ZNF320: variants seen among roughly 807,000 people sequenced by gnomAD.
ZNF320 encodes the protein zinc finger protein 320.
Under a neutral mutation model 6.8 loss-of-function variants are expected in ZNF320, and 2 were observed. The ratio of observed to expected loss-of-function variants is 0.29; its 90% CI spans 0.12 to 0.93. ZNF320 has a LOEUF of 0.93. Among genes scored for constraint, ZNF320 ranks in the 40% least tolerant of loss-of-function variants. ZNF320 has a pLI of 0.55. For missense variants in ZNF320, 472 were observed against 611.0 expected, an observed-to-expected ratio of 0.77 and a Z score of 2.40; for synonymous variants, 208 against 203.2, an observed-to-expected ratio of 1.02 and a Z score of -0.20.
chr19:52,866,306 A>G (rs912282609), intron 5 of ZNF320, among the ~76,000 whole-genome samples: 8 of 150,852 alleles, frequency 5.3e-5, no homozygotes, highest in Non-Finnish European at 8.8e-5. Flanking sequence ...CATGCCTGTA[A>G]TCCCAGCAAT....
At chr19:52,865,509 T>TAA (rs1491499884) in intron 5 of ZNF320, 1 of 137,114 alleles carries the variant, frequency 7.3e-6, no homozygotes, top group African/African-American at 2.9e-5. Context: ...TACATATATA[T>TAA]TTATATATTA....
intron 3 of ZNF320, 64 bp from the exon 4 acceptor site, chr19:52,890,392 GACAC>G (rs1568726186): frequency 7.8e-7 from 1 of 1,280,690 alleles, no homozygotes; most frequent in Non-Finnish European, 1.1e-6. Context: ...ATAACACAAT[GACAC>G]ATACAAAGGA....
intron 5 of ZNF320, 38 bp from the exon 6 acceptor site, chr19:52,882,021 A>G (rs1404379964): frequency 6.4e-7 from 1 of 1,562,790 alleles, no homozygotes; most frequent in African/African-American, 1.4e-5. Flanking sequence ...CCAATTAAGT[A>G]CAGATGGTAT....
At position 52,890,268 on chromosome 19, in the gene ZNF320, T is replaced by C; in HGVS notation, c.-13A>G. 6.2e-7 allele frequency: 1 copy of C among 1,607,020 alleles called. No homozygotes were observed. Among genetic ancestry groups the C allele is most frequent in the Middle Eastern group, 1.7e-4 (1 of 6,054 alleles). On this transcript the variant is annotated 5_prime_UTR_variant, in exon 4 of 6. Coordinates refer to ENST00000682928, the MANE Select transcript of ZNF320 (RefSeq NM_001351774.2). ...GAGAAAGAGCCATCCCCGACTCCTT[T>C]GCTTTCCTCTTCCTCTTCTGGGTTT...
At position 52,880,176 on chromosome 19, in the gene ZNF320, GTC is replaced by G. The variant is rs1491151386; in HGVS notation, c.*418_*419del. 6.4e-6 allele frequency: 1 copy of G among 155,642 alleles called. No homozygotes were observed. The highest frequency in any genetic ancestry group is 2.4e-5 in the African/African-American group (1 of 41,416). 9.6% of individuals were successfully genotyped at this position (155,642 alleles called of 1,614,324 possible). On this transcript the variant is annotated 3_prime_UTR_variant, in exon 6 of 6. Transcript: ENST00000682928. The stretch of plus-strand genomic sequence containing the variant: ...ATCCTAGCTAACACGGTGAAACCCA[GTC>G]TCTACTAAAAATACAAAAAATTACC...
intron 5 of ZNF320, among the ~76,000 whole-genome samples, chr19:52,867,624 T>G (rs1217751828): frequency 6.6e-6 from 1 of 151,986 alleles, no homozygotes; most frequent in Non-Finnish European, 1.5e-5. Context: ...TCTTTCTTTA[T>G]TTTTGAGAAA....
chr19:52,887,011 GA>G (rs71183852), intron 5 of ZNF320, among the ~76,000 whole-genome samples: 1 of 73,072 alleles, frequency 1.4e-5, no homozygotes, highest in African/African-American at 6.0e-5. Context: ...GGAAGGAAAA[GA>G]AAAAACAAAA....
At chr19:52,865,508 ATT>A (rs1491548742) in intron 5 of ZNF320, 7 of 137,706 alleles carry the variant, frequency 5.1e-5, no homozygotes, top group African/African-American at 8.6e-5. Context: ...ATACATATAT[ATT>A]TATATATTAT....
exon 6 of ZNF320, chr19:52,862,586 T>G: frequency 9.3e-6 from 4 of 431,066 alleles, no homozygotes; most frequent in Non-Finnish European, 1.7e-5. Context: ...ATTACATCTG[T>G]GAGCTTTCAC....
Position 52,889,684 on chromosome 19 carries a change from T to C in ZNF320, c.15+557A>G, listed in dbSNP as rs1288317876. Among the ~76,000 whole-genome samples the C allele has an allele frequency of 1.3e-4, 20 of 152,312 alleles. 1 individual carries two copies. The highest frequency in any genetic ancestry group is 9.2e-4 in the Admixed American group (14 of 15,300). ...GGTTGATTTCCTATTCTTAAAATAA[T>C]GATAGGATCATTCTTGTATCATTCA... On this transcript the variant is annotated intron_variant, in intron 4 of 5. Coordinates refer to ENST00000682928, the MANE Select transcript of ZNF320 (RefSeq NM_001351774.2).
intron 1 of ZNF320, 22 bp from the exon 2 acceptor site, chr19:52,893,878 C>A (rs1209300219): frequency 2.0e-5 from 3 of 151,882 alleles, no homozygotes; most frequent in Admixed American, 2.0e-4. Flanking sequence ...AGCGAAACTC[C>A]ATCACCTCCA....
In ZNF320 at chr19:52,881,573, C is replaced by T. The variant is rs142947258; in HGVS notation, c.553G>A (p.Gly185Arg). The T allele has an allele frequency of 4.3e-3, 6,866 of 1,614,018 alleles. 18 individuals are homozygous for T. Among genetic ancestry groups the T allele is most frequent in the Non-Finnish European group, 5.4e-3 (6,355 of 1,179,980 alleles). ...ACCTTACATTTGTATGGTTTCTCTC[C>T]AGTATGAATTATCCTATGTATTTCA... ...HLEIHRIIHT[G>R]EKPYKCKVCD... Residue 185 changes from glycine (G) to arginine (R), a missense_variant, in exon 6 of 6, where the codon GGA becomes AGA. Physicochemically the swap from Gly to Arg is moderately radical, Grantham distance 125. Transcript: ENST00000682928.
chr19:52,900,124 C>G (rs1057180297), upstream of ZNF320, among the ~76,000 whole-genome samples: 7 of 152,178 alleles, frequency 4.6e-5, no homozygotes, highest in Non-Finnish European at 8.8e-5. Context: ...AGCATGAGCT[C>G]TGTCTATGTA....
chr19:52,881,866 G>A lies in ZNF320; in HGVS notation c.260C>T (p.Ser87Phe), dbSNP rs1447736076. The change falls in exon 6 of 6, where the codon TCC becomes TTC. Residue 87 changes from serine (S) to phenylalanine (F), a missense_variant. Coordinates refer to ENST00000682928, the MANE Select transcript of ZNF320 (RefSeq NM_001351774.2). ...ATGAATGTCTTTCTCAATTTCCTGG[G>A]AGCAAAATGCTCCAATGTGATAACT... ...QASYHIGAFC[S>F]QEIEKDIHDF... 1.2e-6 allele frequency: 2 copies of A among 1,613,840 alleles called. No individual in the cohort carries two copies. The highest frequency in any genetic ancestry group is 1.7e-6 in the Non-Finnish European group (2 of 1,179,842).
chr19:52,869,179 G>GT (rs1433058434), intron 5 of ZNF320, among the ~76,000 whole-genome samples: 6 of 152,240 alleles, frequency 3.9e-5, no homozygotes, highest in African/African-American at 1.4e-4. Flanking sequence ...TTAGCAAATG[G>GT]TAAAATATTG....
rs746399920 is a variant in ZNF320 at position 52,880,892 on chromosome 19, G to C, written c.1234C>G (p.Leu412Val). The C allele has an allele frequency of 1.2e-6, 2 of 1,613,930 alleles. No homozygotes were observed. Among genetic ancestry groups the C allele is most frequent in the Non-Finnish European group, 1.7e-6 (2 of 1,179,886 alleles). ...CHQKLHTGEKLYECEECDKVY... is the reference protein window; with the variant it reads ...CHQKLHTGEKVYECEECDKVY... Reference sequence around the variant, plus strand: ...TTGTCACATTCTTCACATTCGTAAAGTTTCTCTCCAGTATGAAGTTTTTGA... The same window carrying C: ...TTGTCACATTCTTCACATTCGTAAACTTTCTCTCCAGTATGAAGTTTTTGA... The change falls in exon 6 of 6, where the codon CTT becomes GTT. Residue 412 changes from leucine (L) to valine (V), a missense_variant. Leu to Val is a conservative substitution (Grantham distance 32). Transcript: ENST00000682928.
chr19:52,865,226 G>C (rs751694423), intron 5 of ZNF320: 111 of 160,390 alleles, frequency 6.9e-4, no homozygotes, highest in Non-Finnish European at 1.3e-3. Flanking sequence ...GGAGCCTGAG[G>C]CAGAAGAATC....
chr19:52,887,340 A>G (rs1274396491), intron 5 of ZNF320, among the ~76,000 whole-genome samples: 1 of 152,204 alleles, frequency 6.6e-6, no homozygotes, highest in African/African-American at 2.4e-5. Flanking sequence ...CGTGCTTATA[A>G]AAAGAAAGGA....
intron 5 of ZNF320, among the ~76,000 whole-genome samples, chr19:52,869,744 C>G (rs2063646132): frequency 6.6e-6 from 1 of 151,804 alleles, no homozygotes; most frequent in Non-Finnish European, 1.5e-5. Context: ...GAGACAGAGT[C>G]TTCCTCTCTC....
Sources: allele counts gnomAD v4.1 joint callset (sites outside exome capture counted in the v4.1 genomes callset), GRCh38; gene constraint gnomAD v4.1.1; transcripts MANE v1.5; gene names NCBI Gene and HGNC (gene_info 2026-07-23, HGNC 2026-07-21).